The following BRD8 variants were observed in gnomAD, a reference collection of about 807,000 sequenced individuals.
BRD8 encodes bromodomain-containing protein 8.
Under a neutral mutation model 143.1 loss-of-function variants are expected in BRD8, and 67 were observed. The observed-to-expected ratio is 0.47, with a 90% CI of 0.38 to 0.57. The LOEUF (loss-of-function observed/expected upper bound fraction) is 0.57. BRD8 is among the 20% of genes least tolerant of loss of function. BRD8 has a pLI of 0.00. For synonymous variants in BRD8, 505 were observed against 517.1 expected, an observed-to-expected ratio of 0.98 and a Z score of 0.32; for missense variants, 1,103 against 1,503.0, an observed-to-expected ratio of 0.73 and a Z score of 4.40.
intron 20 of BRD8, among the ~76,000 whole-genome samples, chr5:138,159,115 T>G (rs1489464729): frequency 6.6e-6 from 1 of 152,092 alleles, no homozygotes; most frequent in Non-Finnish European, 1.5e-5. Context: ...TAGCTTAAAT[T>G]TTACTGTTTG....
chr5:138,169,229 G>A lies in BRD8; in HGVS notation c.635C>T (p.Thr212Ile). Residue 212 changes from threonine (T) to isoleucine (I), a missense_variant, in exon 8 of 27, where the codon ACC becomes ATC. Thr to Ile is a moderately conservative substitution (Grantham distance 89). Around this residue, in one of 7 missense-constraint regions of BRD8, gnomAD observed 334 missense variants for 372.5 expected, o/e 0.90. Transcript: ENST00000254900. The part of the protein sequence containing the change: ...DLTPTTMEEA[T>I]SGVNESEMAV... ...AGATGGAAATATACTCACCCCAGAG[G>A]TAGCCTCTTCCATAGTGGTTGGAGT... The A allele has an allele frequency of 1.2e-6, 2 of 1,613,782 alleles. No individual in the cohort carries two copies. Among genetic ancestry groups the A allele is most frequent in the Non-Finnish European group, 1.7e-6 (2 of 1,179,944 alleles).
chr5:138,170,129 T>C (rs982081075), intron 7 of BRD8, among the ~76,000 whole-genome samples: 2 of 152,258 alleles, frequency 1.3e-5, no homozygotes, highest in African/African-American at 4.8e-5. Context: ...CAAGCCTTTG[T>C]GTCCTGAAGT....
At chr5:138,174,012 T>A (rs1561621768) in intron 2 of BRD8, among the ~76,000 whole-genome samples, 2 of 152,160 alleles carry the variant, frequency 1.3e-5, no homozygotes, top group Non-Finnish European at 2.9e-5. Flanking sequence ...GTCTATAATT[T>A]TTCCTAGATT....
At chr5:138,158,327 C>G (rs745596143) in intron 20 of BRD8, among the ~76,000 whole-genome samples, 4 of 152,194 alleles carry the variant, frequency 2.6e-5, no homozygotes, top group Admixed American at 6.5e-5. Flanking sequence ...ATGAACAACA[C>G]AGAGTCAGAG....
At chr5:138,148,314 G>C (rs569864195) in intron 23 of BRD8, among the ~76,000 whole-genome samples, 1 of 152,170 alleles carries the variant, frequency 6.6e-6, no homozygotes, top group African/African-American at 2.4e-5. Context: ...TCCCCTAAGA[G>C]ATGTGAAAAA....
chr5:138,170,216 A>G, intron 7 of BRD8, 129 bp downstream of exon 7: 2 of 714,514 alleles, frequency 2.8e-6, no homozygotes, highest in South Asian at 3.4e-5. Flanking sequence ...GGATGTTTTT[A>G]TTCTGGTAGA....
At chr5:138,159,158 CAAG>C (rs1201002945) in intron 20 of BRD8, among the ~76,000 whole-genome samples, 1 of 151,990 alleles carries the variant, frequency 6.6e-6, no homozygotes, top group Non-Finnish European at 1.5e-5. Context: ...TTTTAGGAGA[CAAG>C]AGAAAAACTA....
At position 138,170,921 on chromosome 5, in the gene BRD8, A is replaced by C. The variant is rs1239599478; in HGVS notation, c.360-9T>G. On this transcript the variant is annotated splice_polypyrimidine_tract_variant and intron_variant, in intron 5 of 26. Coordinates refer to ENST00000254900, the MANE Select transcript of BRD8 (RefSeq NM_139199.2). Reference sequence around the variant, plus strand: ...CATCTCTCTTTAGCCGTCTATAGGAAGAAAGAGAGGTAGGTAGACTGGGTT... The same window carrying C: ...CATCTCTCTTTAGCCGTCTATAGGACGAAAGAGAGGTAGGTAGACTGGGTT... The C allele has an allele frequency of 3.1e-6, 5 of 1,613,880 alleles. No individual in the cohort carries two copies.
chr5:138,168,409 G>T (rs1194541471), intron 8 of BRD8: 3 of 1,151,012 alleles, frequency 2.6e-6, no homozygotes, highest in Non-Finnish European at 2.6e-6. Context: ...TTAGGTCCCA[G>T]GCACTCCCTT....
intron 20 of BRD8, among the ~76,000 whole-genome samples, chr5:138,158,993 G>C (rs577483121): frequency 6.6e-6 from 1 of 151,466 alleles, no homozygotes; most frequent in Non-Finnish European, 1.5e-5. Context: ...GTCTCCCTAC[G>C]TTGCCCAGGC....
chr5:138,173,686 C>A (rs919442803), intron 2 of BRD8, among the ~76,000 whole-genome samples: 2 of 152,126 alleles, frequency 1.3e-5, no homozygotes, highest in Admixed American at 6.5e-5. Context: ...CCCACTGCAG[C>A]CCCACCCAAG....
intron 7 of BRD8, among the ~76,000 whole-genome samples, chr5:138,169,676 A>T (rs1753711793): frequency 6.6e-6 from 1 of 152,210 alleles, no homozygotes; most frequent in Non-Finnish European, 1.5e-5. Flanking sequence ...TTCTGCTTTT[A>T]AGAACAGGAA....
At chr5:138,171,995 C>G in intron 3 of BRD8, 70 bp downstream of exon 3, 3 of 1,158,410 alleles carry the variant, frequency 2.6e-6, no homozygotes, top group Non-Finnish European at 3.9e-6. Context: ...AACTAAAAGT[C>G]AGGGCCTGGT....
At chr5:138,160,721 T>C (rs139795600) in intron 18 of BRD8, among the ~76,000 whole-genome samples, 170 bp downstream of exon 18, 171 of 152,336 alleles carry the variant, frequency 1.1e-3, no homozygotes, top group African/African-American at 4.0e-3. Context: ...CACAACTCTT[T>C]CACCACACCA....
At chr5:138,177,086 CAAAAAA>C (rs36005969) in intron 2 of BRD8, 4 of 121,728 alleles carry the variant, frequency 3.3e-5, no homozygotes, top group Admixed American at 8.4e-5. Context: ...AATCTTGTCT[CAAAAAA>C]AAAAAAAAAA....
intron 9 of BRD8, 87 bp downstream of exon 9, chr5:138,167,847 G>A: frequency 8.0e-7 from 1 of 1,246,074 alleles, no homozygotes; most frequent in Non-Finnish European, 1.2e-6. Flanking sequence ...ATCTAGCACT[G>A]ACAACTGCTT....
chr5:138,174,666 A>G (rs1754171592), intron 2 of BRD8, among the ~76,000 whole-genome samples: 1 of 151,956 alleles, frequency 6.6e-6, no homozygotes, highest in Non-Finnish European at 1.5e-5. Flanking sequence ...AAGAGATGTG[A>G]CTTTTCTTAC....
intron 23 of BRD8, among the ~76,000 whole-genome samples, chr5:138,146,676 G>A (rs1431722217): frequency 2.0e-5 from 3 of 152,118 alleles, no homozygotes; most frequent in Admixed American, 2.0e-4. Context: ...GAGATAAGAT[G>A]TCTCAGATTG....
In BRD8 at chr5:138,149,825, T is replaced by C. The variant is rs772457392; in HGVS notation, c.3121-28A>G. On this transcript the variant is annotated intron_variant, in intron 22 of 26. Transcript: ENST00000254900. ...AGGAATGCCAGGAAACAGGAAACTT[T>C]AGAAGGAGATTTACTTTCTGCATAG... The C allele has an allele frequency of 2.5e-6, 4 of 1,581,728 alleles. 1 individual carries two copies. The South Asian group carries it at 3.5e-5, about 14-fold the overall frequency.
Sources: gnomAD v4.1 joint callset for allele counts (sites outside exome capture counted in the v4.1 genomes callset) on GRCh38, gnomAD v4.1.1 for gene constraint, gnomAD v4.1.1 regional missense constraint, MANE v1.5 for transcripts, NCBI Gene and HGNC (gene_info 2026-07-23, HGNC 2026-07-21) for gene names.